The following BEND7 variants were observed in gnomAD, a reference collection of about 807,000 sequenced individuals.
BEND7 encodes BEN domain-containing protein 7.
Under a neutral mutation model 50.9 loss-of-function variants are expected in BEND7, and 28 were observed. The ratio of observed to expected loss-of-function variants is 0.55; its 90% CI spans 0.41 to 0.75. The LOEUF (loss-of-function observed/expected upper bound fraction) is 0.75, where lower values mean the gene tolerates loss of function less well. BEND7 is among the 30% of genes least tolerant of loss of function. BEND7 has a pLI of 0.00. For missense variants in BEND7, 477 were observed against 491.3 expected (o/e 0.97, Z 0.28); for synonymous variants, 170 against 183.9 (o/e 0.92, Z 0.61).
intron 2 of BEND7, among the ~76,000 whole-genome samples, chr10:13,501,795 G>A (rs530502510): frequency 2.0e-5 from 3 of 151,842 alleles, no homozygotes; most frequent in South Asian, 2.1e-4. Flanking sequence ...GCAGCGAGCC[G>A]AGATTGTGCC....
chr10:13,483,954 T>C (rs2076046970), intron 5 of BEND7, among the ~76,000 whole-genome samples: 1 of 152,154 alleles, frequency 6.6e-6, no homozygotes, highest in East Asian at 1.9e-4. Flanking sequence ...TCCTAACAAC[T>C]AAGTATCTGG....
intron 6 of BEND7, among the ~76,000 whole-genome samples, chr10:13,479,584 G>C (rs1281550345): frequency 6.6e-6 from 1 of 152,120 alleles, no homozygotes; most frequent in Non-Finnish European, 1.5e-5. Context: ...TTCTTGTTTT[G>C]AGAAGGGACC....
rs750785715 is a variant in BEND7 at position 13,492,759 on chromosome 10, G to T, written c.689C>A (p.Thr230Asn). 10 of 1,613,674 alleles carry T rather than the reference G, an allele frequency of 6.2e-6. No individual in the cohort carries two copies. Among genetic ancestry groups the T allele is most frequent in the Middle Eastern group, 1.6e-4 (1 of 6,082 alleles). ...KVPPKTVEPLTVKQKPSGSEM... is the reference protein window; with the variant it reads ...KVPPKTVEPLNVKQKPSGSEM... ...TGACCCACTGGGCTTCTGTTTCACA[G>T]TAAGAGGTTCCACAGTCTTTGGGGG... Residue 230 changes from threonine to asparagine, a missense_variant, in exon 5 of 9, where the codon ACT becomes AAT. This residue lies in a region of BEND7 where 396 missense variants were observed against 384.2 expected (regional missense o/e 1.03). Coordinates refer to ENST00000466271, the MANE Select transcript of BEND7 (RefSeq NM_001369863.1).
At chr10:13,506,087 T>G (rs2077860973) in intron 2 of BEND7, among the ~76,000 whole-genome samples, 1 of 152,156 alleles carries the variant, frequency 6.6e-6, no homozygotes, top group South Asian at 2.1e-4. Flanking sequence ...ATCTCTTACC[T>G]GAATCCTTTT....
intron 2 of BEND7, among the ~76,000 whole-genome samples, chr10:13,521,972 C>G (rs1253795487): frequency 6.6e-6 from 1 of 152,216 alleles, no homozygotes; most frequent in Non-Finnish European, 1.5e-5. Flanking sequence ...AAGAAAGCCA[C>G]TGAAAAGAGA....
At chr10:13,440,942 T>C, downstream of BEND7, 1 of 369,770 alleles carries the variant, frequency 2.7e-6, no homozygotes, top group Non-Finnish European at 3.7e-6. Flanking sequence ...GGTGGTCTCT[T>C]TATTTTTAAA....
Position 13,528,539 on chromosome 10 carries a change from G to C in BEND7, c.-6C>G. 3 of 1,028,026 alleles carry C rather than the reference G, an allele frequency of 2.9e-6. No homozygotes were observed. Among genetic ancestry groups the C allele is most frequent in the Middle Eastern group, 4.7e-4 (1 of 2,106 alleles). 63.7% of individuals were successfully genotyped at this position (1,028,026 alleles called of 1,614,324 possible). On this transcript the variant is annotated 5_prime_UTR_variant, in exon 1 of 9. Coordinates refer to ENST00000466271, the MANE Select transcript of BEND7 (RefSeq NM_001369863.1). ...TTCCTCTCGGAGAACTCCATGGTGC[G>C]GGGAAGGCGGCGGCGGGGGCTGAGG...
intron 6 of BEND7, among the ~76,000 whole-genome samples, chr10:13,475,057 GA>G (rs1240233219): frequency 1.3e-5 from 2 of 152,162 alleles, no homozygotes; most frequent in Non-Finnish European, 2.9e-5. Context: ...ACTAAAATAT[GA>G]GAACCATCGT....
At chr10:13,464,709 A>G (rs1410845749) in intron 6 of BEND7, among the ~76,000 whole-genome samples, 1 of 152,230 alleles carries the variant, frequency 6.6e-6, no homozygotes, top group East Asian at 1.9e-4. Flanking sequence ...TATTATTTCA[A>G]CGTTTTAACC....
chr10:13,490,117 GT>G (rs1193378851), intron 5 of BEND7, among the ~76,000 whole-genome samples: 15 of 152,320 alleles, frequency 9.8e-5, no homozygotes, highest in African/African-American at 3.4e-4. Flanking sequence ...ACAGCCCCTT[GT>G]GGGCCCTTAT....
intron 6 of BEND7, among the ~76,000 whole-genome samples, chr10:13,474,614 G>A (rs912575712): frequency 5.3e-5 from 8 of 151,514 alleles, no homozygotes; most frequent in South Asian, 4.2e-4. Flanking sequence ...GACTCGGGTC[G>A]ATACCCGTCA....
At chr10:13,453,692 T>C (rs1310837910) in intron 6 of BEND7, among the ~76,000 whole-genome samples, 2 of 152,156 alleles carry the variant, frequency 1.3e-5, no homozygotes, top group Non-Finnish European at 2.9e-5. Flanking sequence ...GGAAAAATGT[T>C]CCATTAATAT....
At chr10:13,509,482 A>G (rs1407650519) in intron 2 of BEND7, among the ~76,000 whole-genome samples, 1 of 152,188 alleles carries the variant, frequency 6.6e-6, no homozygotes, top group African/African-American at 2.4e-5. Flanking sequence ...CGCCAGCTAC[A>G]CTTCCCAGGA....
intron 2 of BEND7, among the ~76,000 whole-genome samples, chr10:13,508,954 C>T (rs1302865411): frequency 6.6e-6 from 1 of 152,126 alleles, no homozygotes; most frequent in Non-Finnish European, 1.5e-5. Flanking sequence ...AGATGTGAAG[C>T]CAGGACAGGT....
At chr10:13,447,532 A>T (rs543877680) in intron 7 of BEND7, among the ~76,000 whole-genome samples, 1 of 145,068 alleles carries the variant, frequency 6.9e-6, no homozygotes, top group Admixed American at 7.0e-5. Context: ...TTCCCGTATT[A>T]AAACTTTTTT....
intron 6 of BEND7, chr10:13,459,602 T>C (rs1839797361): frequency 6.6e-6 from 1 of 152,198 alleles, no homozygotes; most frequent in Admixed American, 6.5e-5. Flanking sequence ...TTGGTGCAAT[T>C]GTTCTAGTCT....
chr10:13,485,093 C>T (rs1181889896), intron 5 of BEND7, among the ~76,000 whole-genome samples: 1 of 152,026 alleles, frequency 6.6e-6, no homozygotes, highest in African/African-American at 2.4e-5. Context: ...ATGCGCCTTC[C>T]CCACCCCTCT....
At chr10:13,438,867 C>T, downstream of BEND7, 1 of 327,342 alleles carries the variant, frequency 3.1e-6, no homozygotes, top group Non-Finnish European at 5.7e-6. Context: ...CAGCCTGACC[C>T]TCCTCTCAAT....
intron 6 of BEND7, among the ~76,000 whole-genome samples, chr10:13,467,584 C>A (rs892786782): frequency 6.6e-6 from 1 of 152,130 alleles, no homozygotes; most frequent in African/African-American, 2.4e-5. Flanking sequence ...TGTTTTTGAT[C>A]GACAAGATTA....
Sources: gnomAD v4.1 joint callset for allele counts (sites outside exome capture counted in the v4.1 genomes callset) on GRCh38, gnomAD v4.1.1 for gene constraint, gnomAD v4.1.1 regional missense constraint, MANE v1.5 for transcripts, NCBI Gene and HGNC (gene_info 2026-07-23, HGNC 2026-07-21) for gene names.